Variants in DLG2 observed in about 807,000 individuals in gnomAD.
DLG2 encodes discs large MAGUK scaffold protein 2, also known as disks large homolog 2.
In DLG2, 45 loss-of-function variants were observed where a neutral mutation model predicts 132.5. The ratio of observed to expected loss-of-function variants is 0.34; its 90% CI spans 0.27 to 0.44. The LOEUF is 0.44. Ranked by LOEUF, DLG2 falls within the 20% of genes least tolerant of loss-of-function variation. DLG2 has a pLI of 1.00. For synonymous variants in DLG2, 424 were observed against 419.6 expected (o/e 1.01, Z -0.13); for missense variants, 1,045 against 1,196.9 (o/e 0.87, Z 1.87).
chr11:84,523,424 C>A (rs1319160903), intron 7 of DLG2, among the ~76,000 whole-genome samples: 1 of 152,156 alleles, frequency 6.6e-6, no homozygotes, highest in Non-Finnish European at 1.5e-5. Flanking sequence ...CCACTATATG[C>A]TATTACTTTT....
At chr11:85,319,415 G>T (rs1596209030) in intron 3 of DLG2, among the ~76,000 whole-genome samples, 1 of 151,554 alleles carries the variant, frequency 6.6e-6, no homozygotes, top group Admixed American at 6.6e-5. Context: ...TTTCCTTCTG[G>T]TTTTCTCTAC....
At position 84,753,249 on chromosome 11, in the gene DLG2, C is replaced by T. The variant is rs994875592; in HGVS notation, c.358-218518G>A. Reference sequence around the variant, plus strand: ...TGGAAAGCTTTTGAAGCCAATTTCCCGTTAAAATAGACCTTTCTGGCCGTT... The same window carrying T: ...TGGAAAGCTTTTGAAGCCAATTTCCTGTTAAAATAGACCTTTCTGGCCGTT... On this transcript the variant is annotated intron_variant, in intron 6 of 27. Transcript: ENST00000376104. Among the ~76,000 whole-genome samples the T allele has an allele frequency of 7.2e-5, 11 of 152,022 alleles. No individual in the cohort carries two copies. The South Asian group carries it at 1.5e-3, about 20-fold the overall frequency.
At chr11:83,971,238 C>T (rs761181717) in intron 12 of DLG2, among the ~76,000 whole-genome samples, 13 of 151,974 alleles carry the variant, frequency 8.6e-5, no homozygotes, top group Non-Finnish European at 1.6e-4. Flanking sequence ...CTGTGGGGTG[C>T]ACCACACAGA....
chr11:85,004,672 T>C (rs1184554984), intron 6 of DLG2, among the ~76,000 whole-genome samples: 1 of 152,204 alleles, frequency 6.6e-6, no homozygotes, highest in Admixed American at 6.5e-5. Context: ...AGACTGCCTG[T>C]TCACTCTGAT....
At chr11:84,658,009 T>C (rs536379369) in intron 6 of DLG2, among the ~76,000 whole-genome samples, 49 of 152,284 alleles carry the variant, frequency 3.2e-4, no homozygotes, top group Admixed American at 8.5e-4. Flanking sequence ...GGTATAGCAA[T>C]CTGACTTATT....
intron 11 of DLG2, among the ~76,000 whole-genome samples, chr11:83,987,390 G>T (rs1417624235): frequency 6.6e-6 from 1 of 152,006 alleles, no homozygotes; most frequent in Non-Finnish European, 1.5e-5. Context: ...CATCGCCAAG[G>T]CAATCCTAAG....
intron 20 of DLG2, among the ~76,000 whole-genome samples, chr11:83,533,035 GA>G (rs3838780): frequency 0.44 from 66,179 of 151,714 alleles, 14,634 homozygotes; most frequent in Middle Eastern, 0.56. Flanking sequence ...CAGAGAGGTA[GA>G]AAAAAATAAT....
chr11:84,933,749 CA>C (rs1221571620), intron 6 of DLG2, among the ~76,000 whole-genome samples: 1 of 152,132 alleles, frequency 6.6e-6, no homozygotes, highest in Non-Finnish European at 1.5e-5. Flanking sequence ...TATCCACTCA[CA>C]AAGCTTTTGG....
At chr11:83,833,853 T>TA in intron 16 of DLG2, 83 bp from the exon 17 acceptor site, 1 of 1,365,864 alleles carries the variant, frequency 7.3e-7, no homozygotes, top group Non-Finnish European at 1.0e-6. Context: ...GGATATATGA[T>TA]ATCAGCAACT....
intron 6 of DLG2, among the ~76,000 whole-genome samples, chr11:84,631,108 T>C (rs1310540988): frequency 0.071 from 2 of 28 alleles, no homozygotes; most frequent in Admixed American, 0.33. Context: ...AGTATCAGTG[T>C]AGAAAAATGC....
At chr11:83,724,952 G>A (rs535379803) in intron 18 of DLG2, 4 of 702,204 alleles carry the variant, frequency 5.7e-6, no homozygotes, top group Admixed American at 4.0e-5. Flanking sequence ...GCTGCTTGGT[G>A]TATAAACTCC....
chr11:85,263,992 T>G (rs1287672730), intron 4 of DLG2, among the ~76,000 whole-genome samples: 1 of 152,026 alleles, frequency 6.6e-6, no homozygotes. Flanking sequence ...GAAGGGAAGT[T>G]TTATAGGGTC....
rs1254528447 is a variant in DLG2 at position 85,578,615 on chromosome 11, C to T, written c.40+20042G>A. Among the ~76,000 whole-genome samples the T allele has an allele frequency of 2.6e-5, 4 of 151,934 alleles. No individual in the cohort carries two copies. In the East Asian group the frequency reaches 5.8e-4, roughly 22 times the overall value. On this transcript the variant is annotated intron_variant, in intron 3 of 27. Coordinates refer to ENST00000376104, the MANE Select transcript of DLG2 (RefSeq NM_001142699.3). ...TCAAAAGAAAACATACATATGCCAA[C>T]AATTATATAAAAAAAGGCTCAATGT...
intron 6 of DLG2, among the ~76,000 whole-genome samples, chr11:85,044,693 C>T (rs908426266): frequency 6.6e-6 from 1 of 151,974 alleles, no homozygotes; most frequent in African/African-American, 2.4e-5. Flanking sequence ...CTATATGAAC[C>T]AGGGATTTGA....
intron 3 of DLG2, among the ~76,000 whole-genome samples, chr11:85,481,218 C>T (rs1342821787): frequency 2.6e-5 from 4 of 152,194 alleles, no homozygotes; most frequent in Non-Finnish European, 5.9e-5. Flanking sequence ...GCTCAAATGG[C>T]ACCTGTACGG....
At chr11:84,259,926 T>C (rs1239900044) in intron 7 of DLG2, among the ~76,000 whole-genome samples, 3 of 152,168 alleles carry the variant, frequency 2.0e-5, no homozygotes, top group Non-Finnish European at 4.4e-5. Flanking sequence ...CTGCACCCTA[T>C]TAAGATTTGA....
intron 4 of DLG2, among the ~76,000 whole-genome samples, chr11:85,226,281 T>C (rs887569155): frequency 4.0e-5 from 6 of 150,534 alleles, no homozygotes; most frequent in African/African-American, 1.5e-4. Flanking sequence ...GATGGATGCA[T>C]AGATGGATGC....
At chr11:83,611,302 G>A (rs1222666244) in intron 19 of DLG2, among the ~76,000 whole-genome samples, 1 of 152,118 alleles carries the variant, frequency 6.6e-6, no homozygotes, top group Non-Finnish European at 1.5e-5. Flanking sequence ...GGGAGAGAGA[G>A]AGAGACAGAG....
intron 18 of DLG2, among the ~76,000 whole-genome samples, chr11:83,690,944 T>A (rs1302356547): frequency 6.6e-6 from 1 of 152,214 alleles, no homozygotes; most frequent in Non-Finnish European, 1.5e-5. Flanking sequence ...TGCACTACAA[T>A]GGCAAAGTTG....
Sources: gnomAD v4.1 joint callset for allele counts (sites outside exome capture counted in the v4.1 genomes callset) on GRCh38, gnomAD v4.1.1 for gene constraint, MANE v1.5 for transcripts, NCBI Gene and HGNC (gene_info 2026-07-23, HGNC 2026-07-21) for gene names.